ADCY7: variants seen among roughly 807,000 people sequenced by gnomAD.
ADCY7 encodes adenylate cyclase type 7.
A neutral mutation model predicts 120.6 loss-of-function variants in ADCY7; 72 were observed. The observed-to-expected ratio is 0.60, with a 90% CI of 0.49 to 0.73. ADCY7 has a LOEUF of 0.73. Among genes scored for constraint, ADCY7 ranks in the 30% least tolerant of loss-of-function variants. The pLI, the probability that ADCY7 is intolerant of heterozygous loss-of-function variation, is 0.00. For synonymous variants in ADCY7, 661 were observed against 628.0 expected, an observed-to-expected ratio of 1.05 and a Z score of -0.78; for missense variants, 1,227 against 1,486.0, an observed-to-expected ratio of 0.83 and a Z score of 2.87.
At chr16:50,298,817 G>T in intron 7 of ADCY7, 87 bp from the exon 8 acceptor site, 1 of 1,519,814 alleles carries the variant, frequency 6.6e-7, no homozygotes, top group Non-Finnish European at 8.9e-7. Context: ...AGAGCCGGGT[G>T]CACCCTGGAG....
rs377170698 is a variant in ADCY7, at chr16:50,275,709, C to T, written c.-269+9029C>T. 5.9e-5 allele frequency among the ~76,000 whole-genome samples: 9 copies of T among 152,318 alleles called. No homozygotes were observed. In the East Asian group the frequency reaches 1.7e-3, roughly 29 times the overall value. On this transcript the variant is annotated intron_variant, in intron 1 of 25. Transcript: ENST00000673801. ...GCATATGTAGCTTTTCATGTTCCTG[C>T]TTTTGGGCAGAATGCACCTCAGGAA...
In ADCY7 at chr16:50,290,612, T is replaced by C. The variant is rs529193357; in HGVS notation, c.327T>C (p.Tyr109=). ...LTWACLVALG[Y]VLVFDAWTKA... ...GGGCCTGCTTGGTGGCGCTGGGCTA[T>C]GTGCTGGTGTTCGACGCATGGACAA... The change falls in exon 3 of 26, where the codon TAT becomes TAC. Residue 109 remains tyrosine, a synonymous_variant. Transcript: ENST00000673801. The C allele has an allele frequency of 4.4e-5, 71 of 1,614,006 alleles. No homozygotes were observed. Among genetic ancestry groups the C allele is most frequent in the Non-Finnish European group, 5.6e-5 (66 of 1,180,022 alleles).
At chr16:50,262,707 A>T (rs1448040226), upstream of ADCY7, among the ~76,000 whole-genome samples, 1 of 152,122 alleles carries the variant, frequency 6.6e-6, no homozygotes, top group Admixed American at 6.5e-5. Context: ...CATGAAAGGG[A>T]ACTATGTCCA....
chr16:50,311,814 C>CCA (rs56388837), intron 20 of ADCY7, 28 bp downstream of exon 20: 10 of 1,256,008 alleles, frequency 8.0e-6, no homozygotes, highest in Admixed American at 1.9e-5. Context: ...CCCCCCCCCC[C>CCA]CAAGCTCTGC....
chr16:50,300,775 T>G lies in ADCY7; in HGVS notation c.1137T>G (p.Asn379Lys). ...TGCGTGTGGGCATACACTCGGGGAA[T>G]GTGCTGTGCGGGGTCATCGGGCTGC... ...INMRVGIHSG[N>K]VLCGVIGLRK... is the part of the protein sequence containing the mutation. The change falls in exon 9 of 26, where the codon AAT becomes AAG. Residue 379 changes from asparagine (N) to lysine (K), a missense_variant. Coordinates refer to ENST00000673801, the MANE Select transcript of ADCY7 (RefSeq NM_001114.5). The G allele has an allele frequency of 6.4e-7, 1 of 1,553,214 alleles. No homozygotes were observed. Among genetic ancestry groups the G allele is most frequent in the Non-Finnish European group, 8.7e-7 (1 of 1,147,884 alleles).
intron 1 of ADCY7, among the ~76,000 whole-genome samples, chr16:50,272,964 A>T (rs2033667953): frequency 6.6e-6 from 1 of 152,172 alleles, no homozygotes; most frequent in Admixed American, 6.5e-5. Flanking sequence ...GGCAGGGACC[A>T]GCACTTCTGT....
At chr16:50,248,189 C>T (rs1207429618) in intron 1 of ADCY7, among the ~76,000 whole-genome samples, 3 of 152,176 alleles carry the variant, frequency 2.0e-5, no homozygotes, top group Non-Finnish European at 2.9e-5. Flanking sequence ...GGTGAGTGCC[C>T]GACCACGGGC....
chr16:50,309,153 C>A (rs368184503), intron 17 of ADCY7: 1 of 312,996 alleles, frequency 3.2e-6, no homozygotes, highest in Non-Finnish European at 5.9e-6. Context: ...AAGCAGCCTG[C>A]GGGACACTTG....
At chr16:50,283,680 G>A (rs532876497) in intron 1 of ADCY7, among the ~76,000 whole-genome samples, 5 of 152,202 alleles carry the variant, frequency 3.3e-5, no homozygotes, top group Non-Finnish European at 7.4e-5. Context: ...CTACCACTGG[G>A]GTGGTCGTGA....
intron 1 of ADCY7, chr16:50,279,853 A>G (rs1177120824): frequency 6.6e-6 from 1 of 152,196 alleles, no homozygotes; most frequent in African/African-American, 2.4e-5. Context: ...GCTTAACCAA[A>G]TGAATGAAGT....
Position 50,317,502 on chromosome 16 carries a change from T to C in ADCY7, c.*1997T>C, listed in dbSNP as rs1156662775. ...CATATTTGTACTCTTGGAATATTTG[T>C]TTTTTTCTTCAGTAACAACAGAAAC... On this transcript the variant is annotated 3_prime_UTR_variant, in exon 26 of 26. Transcript: ENST00000673801. 2 of 152,350 alleles carry C rather than the reference T, an allele frequency of 1.3e-5. No homozygotes were observed. The highest frequency in any genetic ancestry group is 4.8e-5 in the African/African-American group (2 of 41,448). The allele number at this position is 152,350 out of a possible 1,614,324, so 9.4% of individuals were successfully genotyped here.
At chr16:50,280,677 T>G (rs955935013) in intron 1 of ADCY7, among the ~76,000 whole-genome samples, 1 of 152,188 alleles carries the variant, frequency 6.6e-6, no homozygotes, top group Non-Finnish European at 1.5e-5. Context: ...TGGGGCCAGG[T>G]GAGAACATCA....
At chr16:50,300,396 C>T (rs1002808730) in intron 8 of ADCY7, among the ~76,000 whole-genome samples, 4 of 152,152 alleles carry the variant, frequency 2.6e-5, no homozygotes, top group South Asian at 2.1e-4. Context: ...AAAACCCAGC[C>T]GGTGCTGCTG....
chr16:50,315,191 G>A (rs1397819819), intron 25 of ADCY7, 53 bp downstream of exon 25: 5 of 1,603,768 alleles, frequency 3.1e-6, no homozygotes, highest in African/African-American at 1.3e-5. Context: ...CTTCCCCAGA[G>A]GTGAGGGGAC....
At chr16:50,309,253 T>A (rs987636629) in intron 17 of ADCY7, 1 of 413,238 alleles carries the variant, frequency 2.4e-6, no homozygotes, top group African/African-American at 2.0e-5. Context: ...TGTGTTCCTG[T>A]GACCACCTCC....
Position 50,305,544 on chromosome 16 carries a change from A to T in ADCY7, c.1637A>T (p.Asp546Val). 1.9e-6 allele frequency: 3 copies of T among 1,608,794 alleles called. No individual in the cohort carries two copies. The highest frequency in any genetic ancestry group is 2.2e-5 in the South Asian group (2 of 90,228). The change falls in exon 13 of 26, where the codon GAT (aspartate) becomes GTT (valine). Residue 546 changes from aspartate to valine, a missense_variant. Transcript: ENST00000673801. ...GGGCGGTCGGAGGATGACTCGTACG[A>T]TGACGAGATGCTGTCAGCCATTGAG... ...PKGRSEDDSY[D>V]DEMLSAIEGL...
intron 3 of ADCY7, among the ~76,000 whole-genome samples, chr16:50,291,366 G>T (rs1027246587): frequency 1.4e-5 from 2 of 142,578 alleles, no homozygotes; most frequent in African/African-American, 5.0e-5. Flanking sequence ...GAGGGCGGGT[G>T]GGGCCGCATT....
At position 50,317,051 on chromosome 16, in the gene ADCY7, T is replaced by C. The variant is rs2036832381; in HGVS notation, c.*1546T>C. On this transcript the variant is annotated 3_prime_UTR_variant, in exon 26 of 26. Coordinates refer to ENST00000673801, the MANE Select transcript of ADCY7 (RefSeq NM_001114.5). ...GCTGCAAATTAAGAGTACAGCTAAGTGCGGGGGTGGCGGTGGAGGGAACGA... is the reference window on the plus strand; with the variant it reads ...GCTGCAAATTAAGAGTACAGCTAAGCGCGGGGGTGGCGGTGGAGGGAACGA... The C allele has an allele frequency of 6.5e-6, 1 of 152,848 alleles. No individual in the cohort carries two copies. Among genetic ancestry groups the C allele is most frequent in the Non-Finnish European group, 1.5e-5 (1 of 68,120 alleles). The allele number at this position is 152,848 out of a possible 1,614,324, so 9.5% of individuals were successfully genotyped here. A position where few individuals can be genotyped will look rare whatever the true frequency, so the allele number is the denominator to read the frequency against.
At chr16:50,305,916 C>G in intron 14 of ADCY7, 67 bp downstream of exon 14, 5 of 1,514,178 alleles carry the variant, frequency 3.3e-6, no homozygotes, top group Non-Finnish European at 4.6e-6. Flanking sequence ...GGGTGGGGGA[C>G]GCAGGTCATG....
Sources: allele counts gnomAD v4.1 joint callset (sites outside exome capture counted in the v4.1 genomes callset), GRCh38; gene constraint gnomAD v4.1.1; transcripts MANE v1.5; gene names NCBI Gene and HGNC (gene_info 2026-07-23, HGNC 2026-07-21).